GGA2: variants seen among roughly 807,000 people sequenced by gnomAD.
GGA2 encodes ADP-ribosylation factor-binding protein GGA2.
GGA2 carries 48 observed loss-of-function variants against 79.5 expected under a neutral mutation model. The ratio of observed to expected loss-of-function variants is 0.60; its 90% CI spans 0.48 to 0.77. The LOEUF is 0.77. GGA2 is among the 30% of genes least tolerant of loss of function. The pLI, the probability that GGA2 is intolerant of heterozygous loss-of-function variation, is 0.00. For synonymous variants in GGA2, 317 were observed against 302.0 expected (o/e 1.05, Z -0.51); for missense variants, 770 against 774.0 (o/e 0.99, Z 0.06).
intron 11 of GGA2, 57 bp downstream of exon 11, chr16:23,479,708 C>T (rs1964623096): frequency 6.3e-7 from 1 of 1,599,416 alleles, no homozygotes; most frequent in Non-Finnish European, 8.5e-7. Context: ...AGGGAACCAG[C>T]TCACTCCCCT....
In GGA2 at chr16:23,494,528, C is replaced by T. The variant is rs900585609; in HGVS notation, c.177-150G>A. 1.5e-5 allele frequency: 10 copies of T among 652,730 alleles called. No individual in the cohort carries two copies. The South Asian group carries it at 1.7e-4, about 11-fold the overall frequency. 40.4% of individuals were successfully genotyped at this position (652,730 alleles called of 1,614,324 possible). On this transcript the variant is annotated intron_variant, in intron 2 of 16. Coordinates refer to ENST00000309859, the MANE Select transcript of GGA2 (RefSeq NM_015044.4). ...GCCTGACAAACAGGCCACGCGGGGG[C>T]CCTGGAGAGGGCCACCTCGCACCCA... is the stretch of plus-strand genomic sequence containing the variant.
chr16:23,510,767 C>A (rs1596999059), upstream of GGA2, among the ~76,000 whole-genome samples: 1 of 152,206 alleles, frequency 6.6e-6, no homozygotes, highest in South Asian at 2.1e-4. Context: ...AGTCCAATGG[C>A]GCGATCACGG....
At chr16:23,491,306 CAAAAAAAAAAAAAA>C (rs35347154) in intron 5 of GGA2, among the ~76,000 whole-genome samples, 2 of 66,504 alleles carry the variant, frequency 3.0e-5, no homozygotes, top group Admixed American at 4.0e-4. Flanking sequence ...CACCTTGTCT[CAAAAAAAAAAAAAA>C]AAAAAAAAAC....
Position 23,493,373 on chromosome 16 carries a change from A to T in GGA2, c.338T>A (p.Val113Glu). The change falls in exon 4 of 17, where the codon GTG (valine) becomes GAG (glutamate). Residue 113 changes from valine (V) to glutamate (E), a missense_variant. Transcript: ENST00000309859. ...CCAGGTACTCACCTTTGGGGACAAC[A>T]CTTTGATCAGTTCGTTCAGGAAACG... ...KFRFLNELIK[V>E]LSPKYLGSWA... 1 of 1,600,352 alleles carries T rather than the reference A, an allele frequency of 6.2e-7. No individual in the cohort carries two copies. The highest frequency in any genetic ancestry group is 2.2e-5 in the East Asian group (1 of 44,806).
Position 23,476,225 on chromosome 16 carries a change from C to T in GGA2, c.1293-1164G>A, listed in dbSNP as rs1004682049. ...GAGAGGAGAAATAACCCACCCTGCC[C>T]GAGTGGCTGAAAAAAAGAAGACTGC... On this transcript the variant is annotated intron_variant, in intron 13 of 16. Transcript: ENST00000309859. Among the ~76,000 whole-genome samples, 6 of 152,220 alleles carry T rather than the reference C, an allele frequency of 3.9e-5. No individual in the cohort carries two copies. The South Asian group carries it at 1.0e-3, about 26-fold the overall frequency.
chr16:23,513,518 T>C (rs1253243835), upstream of GGA2, among the ~76,000 whole-genome samples: 2 of 152,144 alleles, frequency 1.3e-5, no homozygotes, highest in East Asian at 3.8e-4. Flanking sequence ...GCATGGTGGC[T>C]CACACCTGTA....
intron 10 of GGA2, chr16:23,480,194 C>G: frequency 2.6e-6 from 1 of 380,464 alleles, no homozygotes; most frequent in Admixed American, 4.1e-5. Flanking sequence ...CTGACCACAG[C>G]TGATTAGAAT....
chr16:23,514,537 T>C (rs1340105441), upstream of GGA2, among the ~76,000 whole-genome samples: 3 of 152,046 alleles, frequency 2.0e-5, no homozygotes, highest in Non-Finnish European at 4.4e-5. Flanking sequence ...AGCCTTGACC[T>C]CCCAGGCTCA....
chr16:23,493,229 G>C, intron 4 of GGA2, 131 bp downstream of exon 4: 1 of 655,002 alleles, frequency 1.5e-6, no homozygotes, highest in Non-Finnish European at 2.8e-6. Context: ...TTGGAGAGGA[G>C]AGCGCTTCTT....
intron 3 of GGA2, 195 bp from the exon 4 acceptor site, chr16:23,493,653 T>G (rs1009633554): frequency 8.7e-6 from 5 of 572,878 alleles, no homozygotes; most frequent in Non-Finnish European, 1.6e-5. Flanking sequence ...AATCTTGCTA[T>G]AACTGCCTGA....
At chr16:23,501,884 G>T (rs1964925503) in intron 1 of GGA2, among the ~76,000 whole-genome samples, 1 of 152,082 alleles carries the variant, frequency 6.6e-6, no homozygotes, top group African/African-American at 2.4e-5. Context: ...TGTTCCACTG[G>T]GTCCAGATGG....
intron 1 of GGA2, among the ~76,000 whole-genome samples, chr16:23,508,895 G>A (rs1423353671): frequency 6.6e-6 from 1 of 151,986 alleles, no homozygotes; most frequent in Non-Finnish European, 1.5e-5. Flanking sequence ...CCAGTTCCTC[G>A]AGCCTGAAAC....
intron 4 of GGA2, among the ~76,000 whole-genome samples, 176 bp downstream of exon 4, chr16:23,493,184 G>C (rs1964810768): frequency 6.6e-6 from 1 of 152,200 alleles, no homozygotes. Flanking sequence ...GTGAGGGGCA[G>C]GGGTCAGCTA....
At chr16:23,493,042 A>G (rs1307058785) in intron 4 of GGA2, among the ~76,000 whole-genome samples, 1 of 152,150 alleles carries the variant, frequency 6.6e-6, no homozygotes. Flanking sequence ...GGTGATAGGA[A>G]ACTTTCACGC....
At position 23,510,432 on chromosome 16, in the gene GGA2, G is replaced by A. The variant is rs1229666750; in HGVS notation, c.-21C>T. ...GCCATCGCTCCAGCCCCGACGCTGC[G>A]GCCGCGGGCGCCACTGCCTCTTCAG... On this transcript the variant is annotated 5_prime_UTR_variant, in exon 1 of 17. Transcript: ENST00000309859. The A allele has an allele frequency of 5.1e-6, 5 of 974,640 alleles. No homozygotes were observed. The highest frequency in any genetic ancestry group is 5.4e-6 in the Non-Finnish European group (4 of 735,314). 60.4% of individuals were successfully genotyped at this position (974,640 alleles called of 1,614,324 possible). A position where few individuals can be genotyped will look rare whatever the true frequency, so the allele number is the denominator to read the frequency against.
chr16:23,485,893 G>C (rs1195004957), intron 8 of GGA2, 122 bp downstream of exon 8: 7 of 867,680 alleles, frequency 8.1e-6, no homozygotes, highest in Non-Finnish European at 1.3e-5. Context: ...ACGACATTTG[G>C]GGAGGTGTCA....
rs758871543 is a variant in GGA2, at chr16:23,479,785, T to C, written c.1109A>G (p.His370Arg). ...CTCACCCAAGGCTGCCAGGTCCTGATGAAGCAAAGATGGCACCACAGTCCC... is the reference window on the plus strand; with the variant it reads ...CTCACCCAAGGCTGCCAGGTCCTGACGAAGCAAAGATGGCACCACAGTCCC... ...QMGTVVPSLL[H>R]QDLAALGISD... The change falls in exon 11 of 17, where the codon CAT (histidine) becomes CGT (arginine). Residue 370 changes from histidine to arginine, a missense_variant. Coordinates refer to ENST00000309859, the MANE Select transcript of GGA2 (RefSeq NM_015044.4). 3.7e-6 allele frequency: 6 copies of C among 1,614,136 alleles called. No homozygotes were observed. The highest frequency in any genetic ancestry group is 3.3e-5 in the Admixed American group (2 of 60,020).
rs186842755 is a variant in GGA2, at chr16:23,520,356, T to C, written c.9-717A>G. 5.3e-4 allele frequency among the ~76,000 whole-genome samples: 80 copies of C among 151,268 alleles called. No individual in the cohort carries two copies. In the East Asian group the frequency reaches 0.013, roughly 25 times the overall value. Reference sequence around the variant, plus strand: ...TATTCCTATTTTACAAACAAGAAAATTGAGGTACAGAAAGTCACATGTGAA... The same window carrying C: ...TATTCCTATTTTACAAACAAGAAAACTGAGGTACAGAAAGTCACATGTGAA... On this transcript the variant is annotated intron_variant, in intron 1 of 5. Coordinates refer to the GGA2 transcript ENST00000569300.
chr16:23,504,656 T>C lies in GGA2; in HGVS notation c.91+5665A>G, dbSNP rs370024823. ...GGCCACAGCAACCGCCGTAGGTCTGTTTGACACCAATCTGCTCCAAGGACT... is the reference window on the plus strand; with the variant it reads ...GGCCACAGCAACCGCCGTAGGTCTGCTTGACACCAATCTGCTCCAAGGACT... On this transcript the variant is annotated intron_variant, in intron 1 of 16. Coordinates refer to ENST00000309859, the MANE Select transcript of GGA2 (RefSeq NM_015044.4). Among the ~76,000 whole-genome samples, 15 of 152,316 alleles carry C rather than the reference T, an allele frequency of 9.8e-5. No homozygotes were observed. In the East Asian group the frequency reaches 2.3e-3, roughly 24 times the overall value.
Sources: allele counts gnomAD v4.1 joint callset (sites outside exome capture counted in the v4.1 genomes callset), GRCh38; gene constraint gnomAD v4.1.1; transcripts MANE v1.5; gene names NCBI Gene and HGNC (gene_info 2026-07-23, HGNC 2026-07-21).